ANKS1B: variants seen among roughly 807,000 people sequenced by gnomAD.
The protein encoded by ANKS1B is ankyrin repeat and sterile alpha motif domain containing 1B, also known as ankyrin repeat and sterile alpha motif domain-containing protein 1B.
Under a neutral mutation model 148.3 loss-of-function variants are expected in ANKS1B, and 36 were observed. That is an observed-to-expected ratio of 0.24 (90% CI 0.19 to 0.32). The LOEUF (loss-of-function observed/expected upper bound fraction) is 0.32, where lower values mean the gene tolerates loss of function less well. Among genes scored for constraint, ANKS1B ranks in the 10% least tolerant of loss-of-function variants. The pLI, the probability that ANKS1B is intolerant of heterozygous loss-of-function variation, is 1.00. For missense variants in ANKS1B, 1,157 were observed against 1,542.6 expected, an observed-to-expected ratio of 0.75 and a Z score of 4.19; for synonymous variants, 542 against 560.8, an observed-to-expected ratio of 0.97 and a Z score of 0.47.
chr12:99,678,402 C>T (rs991913567), intron 8 of ANKS1B, among the ~76,000 whole-genome samples: 1 of 152,108 alleles, frequency 6.6e-6, no homozygotes, highest in African/African-American at 2.4e-5. Context: ...GATTTTAAGT[C>T]CTAAAAATGA....
At chr12:99,499,343 A>C (rs1384200892) in intron 10 of ANKS1B, among the ~76,000 whole-genome samples, 2 of 152,148 alleles carry the variant, frequency 1.3e-5, no homozygotes, top group Non-Finnish European at 2.9e-5. Context: ...TACTAAACCC[A>C]AGTGATCAAA....
intron 1 of ANKS1B, among the ~76,000 whole-genome samples, chr12:99,835,834 T>C (rs939337514): frequency 1.2e-4 from 18 of 152,226 alleles, no homozygotes; most frequent in African/African-American, 4.3e-4. Context: ...CTGGACTTAA[T>C]ACCTAGAAGA....
At chr12:99,066,901 G>T (rs1016836162) in intron 16 of ANKS1B, among the ~76,000 whole-genome samples, 4 of 152,174 alleles carry the variant, frequency 2.6e-5, no homozygotes, top group Non-Finnish European at 5.9e-5. Context: ...TTCGTTCATC[G>T]TGTGTGGGAA....
intron 17 of ANKS1B, among the ~76,000 whole-genome samples, chr12:98,905,807 G>T (rs543692492): frequency 6.6e-6 from 1 of 151,560 alleles, no homozygotes; most frequent in Non-Finnish European, 1.5e-5. Context: ...GACATGAGAC[G>T]TAGGAGCCAG....
At chr12:99,038,491 T>C (rs544298418) in intron 17 of ANKS1B, among the ~76,000 whole-genome samples, 1 of 152,302 alleles carries the variant, frequency 6.6e-6, no homozygotes, top group African/African-American at 2.4e-5. Flanking sequence ...AGGTTTTCAA[T>C]GACCTCCATC....
At chr12:99,321,981 A>G (rs2085364620) in intron 12 of ANKS1B, among the ~76,000 whole-genome samples, 1 of 152,220 alleles carries the variant, frequency 6.6e-6, no homozygotes, top group Admixed American at 6.5e-5. Flanking sequence ...CAGAAATACC[A>G]TCTGTCCCAG....
At chr12:99,863,177 T>C (rs1055234246) in intron 1 of ANKS1B, among the ~76,000 whole-genome samples, 2 of 152,192 alleles carry the variant, frequency 1.3e-5, no homozygotes, top group Non-Finnish European at 2.9e-5. Context: ...GTGCCTCTGT[T>C]TTTTATATCA....
In ANKS1B at chr12:99,578,690, A is replaced by C. The variant is rs186818795; in HGVS notation, c.1273-74049T>G. 9.2e-5 allele frequency among the ~76,000 whole-genome samples: 14 copies of C among 152,288 alleles called. No individual in the cohort carries two copies. In the East Asian group the frequency reaches 2.7e-3, roughly 29 times the overall value. ...TAGAATTACAAACACTGCTGAAAGA[A>C]ATGAGAGACAACATAAACATATGGA... On this transcript the variant is annotated intron_variant, in intron 9 of 26. Coordinates refer to ENST00000683438, the MANE Select transcript of ANKS1B (RefSeq NM_001352186.2).
At chr12:99,517,886 T>C (rs935609213) in intron 9 of ANKS1B, among the ~76,000 whole-genome samples, 1 of 152,184 alleles carries the variant, frequency 6.6e-6, no homozygotes, top group African/African-American at 2.4e-5. Context: ...TGTTAAGATA[T>C]GTTCCTTCTA....
At chr12:99,321,472 G>A (rs1375208616) in intron 12 of ANKS1B, among the ~76,000 whole-genome samples, 1 of 152,194 alleles carries the variant, frequency 6.6e-6, no homozygotes, top group Non-Finnish European at 1.5e-5. Flanking sequence ...CTAGCAGTGA[G>A]TGAGGCTCCA....
intron 8 of ANKS1B, among the ~76,000 whole-genome samples, chr12:99,665,692 T>G (rs1490095887): frequency 6.6e-6 from 1 of 152,162 alleles, no homozygotes; most frequent in Admixed American, 6.5e-5. Flanking sequence ...TTCACCGTGT[T>G]AACCAGGATG....
chr12:98,772,944 C>G (rs1465203085), intron 25 of ANKS1B, 98 bp downstream of exon 25: 1 of 1,393,140 alleles, frequency 7.2e-7, no homozygotes, highest in Non-Finnish European at 9.8e-7. Context: ...ACCGGGTAAA[C>G]AAGCCAAGCT....
chr12:98,938,065 T>C (rs2099821428), intron 17 of ANKS1B, among the ~76,000 whole-genome samples: 2 of 152,108 alleles, frequency 1.3e-5, no homozygotes, highest in Admixed American at 1.3e-4. Context: ...CGAGATGATA[T>C]TTGGGTGGGG....
chr12:99,244,021 TA>T (rs907440578), intron 14 of ANKS1B, among the ~76,000 whole-genome samples: 4 of 146,852 alleles, frequency 2.7e-5, no homozygotes, highest in East Asian at 4.0e-4. Context: ...AGTATAATAA[TA>T]AAAAAAAGAC....
chr12:99,735,822 AAAG>A (rs1028234520), intron 8 of ANKS1B, among the ~76,000 whole-genome samples: 1 of 151,544 alleles, frequency 6.6e-6, no homozygotes, highest in African/African-American at 2.4e-5. Flanking sequence ...AAAAAAAAAA[AAAG>A]AATATCCCTG....
chr12:99,789,757 G>A (rs1427730642), intron 4 of ANKS1B, among the ~76,000 whole-genome samples: 1 of 152,090 alleles, frequency 6.6e-6, no homozygotes, highest in African/African-American at 2.4e-5. Context: ...GACACACTGA[G>A]AGTCTACAGC....
At chr12:99,591,130 C>A (rs2097699001) in intron 9 of ANKS1B, among the ~76,000 whole-genome samples, 1 of 151,630 alleles carries the variant, frequency 6.6e-6, no homozygotes, top group Non-Finnish European at 1.5e-5. Flanking sequence ...TAATTATAGT[C>A]GAGAATACTG....
At chr12:99,279,652 CAT>C (rs1234397840) in intron 12 of ANKS1B, among the ~76,000 whole-genome samples, 3 of 152,146 alleles carry the variant, frequency 2.0e-5, no homozygotes, top group Admixed American at 6.6e-5. Context: ...TATTATCAAA[CAT>C]GTTCTCAAAA....
chr12:99,041,455 TCA>T (rs1424106765), intron 17 of ANKS1B, among the ~76,000 whole-genome samples: 1 of 152,204 alleles, frequency 6.6e-6, no homozygotes, highest in Non-Finnish European at 1.5e-5. Context: ...AATTCCATGA[TCA>T]CACAGTGTGT....
Sources: gnomAD v4.1 joint callset for allele counts (sites outside exome capture counted in the v4.1 genomes callset) on GRCh38, gnomAD v4.1.1 for gene constraint, MANE v1.5 for transcripts, NCBI Gene and HGNC (gene_info 2026-07-23, HGNC 2026-07-21) for gene names.